PCDH15: variants seen among roughly 807,000 people sequenced by gnomAD.
PCDH15 encodes the protein protocadherin-15.
A neutral mutation model predicts 178.5 loss-of-function variants in PCDH15; 129 were observed. That is an observed-to-expected ratio of 0.72 (90% CI 0.63 to 0.84). The LOEUF (loss-of-function observed/expected upper bound fraction) is 0.84. Among genes scored for constraint, PCDH15 ranks in the 40% least tolerant of loss-of-function variants. PCDH15 has a pLI of 0.00. For missense variants in PCDH15, 2,230 were observed against 2,099.9 expected (o/e 1.06, Z -1.21); for synonymous variants, 800 against 732.0 (o/e 1.09, Z -1.50).
Position 55,069,486 on chromosome 10 carries a change from T to A in PCDH15, c.-80+97090A>T, listed in dbSNP as rs533346034. 7.0e-3 allele frequency among the ~76,000 whole-genome samples: 942 copies of A among 134,666 alleles called. 9 individuals carry two copies. Among genetic ancestry groups the A allele is most frequent in the African/African-American group, 0.025 (891 of 35,714 alleles). The allele number at this position is 134,666 out of a possible 152,430, so 88.3% of individuals were successfully genotyped here. A position where few individuals can be genotyped will look rare whatever the true frequency, so the allele number is the denominator to read the frequency against. On this transcript the variant is annotated intron_variant, in intron 2 of 5. Transcript: ENST00000458638. ...TGTTCCCCTTCCTGTGTCCATGTGT[T>A]CTCATTGTTCAATTCCCACCTATGA...
Position 54,952,889 on chromosome 10 carries a change from T to C in PCDH15, c.-79-55389A>G, listed in dbSNP as rs188428418. The stretch of plus-strand genomic sequence containing the variant: ...ATTCACATATAGTTTCAGAAGGGTT[T>C]TTTGTTGATTCTTTCACATTTTCTA... On this transcript the variant is annotated intron_variant, in intron 2 of 5. Transcript: ENST00000458638. Among the ~76,000 whole-genome samples, 1,146 of 151,536 alleles carry C rather than the reference T, an allele frequency of 7.6e-3. 17 individuals carry two copies. Among genetic ancestry groups the C allele is most frequent in the African/African-American group, 0.026 (1,091 of 41,504 alleles).
chr10:54,150,837 AAAAGT>A (rs1478467498), intron 14 of PCDH15, among the ~76,000 whole-genome samples: 2 of 152,090 alleles, frequency 1.3e-5, no homozygotes, highest in Admixed American at 6.6e-5. Flanking sequence ...TCTCAAAAAG[AAAAGT>A]ACAGACTAAT....
At chr10:53,822,384 G>A in intron 32 of PCDH15, 1 of 1,572,010 alleles carries the variant, frequency 6.4e-7, no homozygotes, top group East Asian at 2.4e-5. Flanking sequence ...AGGAGGAGAG[G>A]GAGGAGGACA....
In PCDH15 at chr10:54,202,165, T is replaced by C. The variant is rs184186125; in HGVS notation, c.1099-6276A>G. ...TCAGAATGGTGCAAATTGAGGACTT[T>C]AGCATGATTTTGACTGTGTGTACTC... is the stretch of plus-strand genomic sequence containing the variant. On this transcript the variant is annotated intron_variant, in intron 10 of 37. Coordinates refer to ENST00000644397, the MANE Select transcript of PCDH15 (RefSeq NM_001384140.1). Among the ~76,000 whole-genome samples the C allele has an allele frequency of 3.6e-3, 550 of 152,328 alleles. 5 individuals are homozygous for C. Among genetic ancestry groups the C allele is most frequent in the African/African-American group, 0.012 (519 of 41,560 alleles).
At chr10:54,163,305 G>A (rs1350847686) in intron 13 of PCDH15, among the ~76,000 whole-genome samples, 2 of 152,052 alleles carry the variant, frequency 1.3e-5, no homozygotes, top group Non-Finnish European at 2.9e-5. Flanking sequence ...TTGACTCACA[G>A]TTCCACAGGC....
intron 2 of PCDH15, among the ~76,000 whole-genome samples, chr10:55,348,985 G>A (rs1398079676): frequency 6.6e-6 from 1 of 152,144 alleles, no homozygotes; most frequent in Non-Finnish European, 1.5e-5. Context: ...ACATGAGCAG[G>A]AATGGAAACA....
intron 1 of PCDH15, among the ~76,000 whole-genome samples, chr10:54,680,923 G>C (rs1432004582): frequency 2.0e-5 from 3 of 152,152 alleles, no homozygotes; most frequent in African/African-American, 7.2e-5. Flanking sequence ...GGAGAAGATT[G>C]CTAGGGTATT....
intron 3 of PCDH15, among the ~76,000 whole-genome samples, chr10:54,847,585 T>C (rs1457077894): frequency 6.6e-6 from 1 of 152,144 alleles, no homozygotes; most frequent in Non-Finnish European, 1.5e-5. Context: ...AATTTAGGTG[T>C]TGTAACACTG....
chr10:55,168,429 C>T (rs1188017169), intron 1 of PCDH15, among the ~76,000 whole-genome samples: 2 of 152,188 alleles, frequency 1.3e-5, no homozygotes, highest in Non-Finnish European at 2.9e-5. Context: ...ACAATAACCA[C>T]AATAGGAGGA....
intron 3 of PCDH15, among the ~76,000 whole-genome samples, chr10:54,473,209 C>A (rs762477743): frequency 9.9e-5 from 15 of 151,948 alleles, no homozygotes; most frequent in African/African-American, 3.6e-4. Context: ...TTGCCAGATA[C>A]GAGTCAAAAA....
chr10:53,933,519 C>T (rs1486041215), intron 25 of PCDH15, among the ~76,000 whole-genome samples: 1 of 152,114 alleles, frequency 6.6e-6, no homozygotes, highest in South Asian at 2.1e-4. Context: ...TTTTTTATGG[C>T]TGTATAGTAT....
chr10:55,399,550 C>T (rs559059054), intron 2 of PCDH15, among the ~76,000 whole-genome samples: 53 of 152,084 alleles, frequency 3.5e-4, no homozygotes, highest in African/African-American at 1.3e-3. Context: ...TGCTTCAATC[C>T]CTAGAAGGTG....
chr10:53,970,838 A>C (rs538815400), intron 21 of PCDH15, among the ~76,000 whole-genome samples: 1 of 152,326 alleles, frequency 6.6e-6, no homozygotes, highest in Non-Finnish European at 1.5e-5. Flanking sequence ...AGATGGATTC[A>C]CAGCCAAATT....
intron 2 of PCDH15, among the ~76,000 whole-genome samples, chr10:55,582,133 G>A (rs976906211): frequency 3.3e-5 from 5 of 152,170 alleles, no homozygotes; most frequent in East Asian, 1.9e-4. Context: ...GAAAGTGTCC[G>A]GGTTCCACCC....
At chr10:54,513,959 G>A (rs559788679) in intron 3 of PCDH15, among the ~76,000 whole-genome samples, 1 of 152,320 alleles carries the variant, frequency 6.6e-6, no homozygotes, top group Non-Finnish European at 1.5e-5. Context: ...ATTAGCCACA[G>A]GCTTGCATGT....
At chr10:54,320,797 C>T (rs1368554992) in intron 7 of PCDH15, among the ~76,000 whole-genome samples, 2 of 151,596 alleles carry the variant, frequency 1.3e-5, no homozygotes, top group Non-Finnish European at 2.9e-5. Context: ...TTCCTCATCC[C>T]ATTATTAAGA....
chr10:55,291,748 A>G (rs1843013134), intron 1 of PCDH15, among the ~76,000 whole-genome samples: 3 of 152,184 alleles, frequency 2.0e-5, no homozygotes. Context: ...AGACTGGGCA[A>G]TTTACAAAAT....
At chr10:55,059,890 T>A (rs1185640371) in intron 2 of PCDH15, among the ~76,000 whole-genome samples, 1 of 152,026 alleles carries the variant, frequency 6.6e-6, no homozygotes, top group East Asian at 1.9e-4. Context: ...GACATAATTT[T>A]AAATAGAATA....
At chr10:54,390,972 A>G (rs1231434105) in intron 3 of PCDH15, among the ~76,000 whole-genome samples, 2 of 152,154 alleles carry the variant, frequency 1.3e-5, no homozygotes, top group Non-Finnish European at 2.9e-5. Flanking sequence ...AGTTCCAAGT[A>G]TGTTGCATCT....
Sources: gnomAD v4.1 joint callset for allele counts (sites outside exome capture counted in the v4.1 genomes callset) on GRCh38, gnomAD v4.1.1 for gene constraint, MANE v1.5 for transcripts, NCBI Gene and HGNC (gene_info 2026-07-23, HGNC 2026-07-21) for gene names.